Variants in GOLGA6L25 observed in about 807,000 individuals in gnomAD.
The protein encoded by GOLGA6L25 is golgin subfamily A member 6-like protein 25.
the GOLGA6L25 span, among the ~76,000 whole-genome samples, chr15:28,559,322 C>A: frequency 9.7e-6 from 1 of 103,546 alleles, no homozygotes; most frequent in Non-Finnish European, 1.8e-5. Flanking sequence ...CGGCTCACTG[C>A]AAGCTCCACC....
chr15:28,559,311 T>A, the GOLGA6L25 span, among the ~76,000 whole-genome samples: 2 of 111,520 alleles, frequency 1.8e-5, no homozygotes, highest in South Asian at 6.3e-4. Flanking sequence ...TGGCGCAATC[T>A]CGGCTCACTG....
the GOLGA6L25 span, among the ~76,000 whole-genome samples, chr15:28,554,299 TCCA>T: frequency 1.3e-5 from 1 of 78,270 alleles, no homozygotes; most frequent in Non-Finnish European, 2.1e-5. Flanking sequence ...CCCCAACCAC[TCCA>T]CCGAGGAGTA....
At chr15:28,558,615 ACT>A in the GOLGA6L25 span, 1 of 593,108 alleles carries the variant, frequency 1.7e-6, no homozygotes, top group African/African-American at 3.1e-5. Context: ...GCACACGGAA[ACT>A]CTAGTGCTGG....
the GOLGA6L25 span, chr15:28,560,084 AAAAAGATGTGGAGGCAGGAGG>A: frequency 3.5e-5 from 1 of 28,794 alleles, no homozygotes. Context: ...GGAGCAGGAG[AAAAAGATGTGGAGGCAGGAGG>A]AGAAGATTCA....
the GOLGA6L25 span, among the ~76,000 whole-genome samples, chr15:28,559,452 C>G: frequency 1.2e-5 from 1 of 84,318 alleles, no homozygotes; most frequent in Non-Finnish European, 2.2e-5. Context: ...ACTGTGTTAA[C>G]CAGGATGGTC....
chr15:28,556,341 C>T, the GOLGA6L25 span, among the ~76,000 whole-genome samples: 2 of 145,832 alleles, frequency 1.4e-5, no homozygotes, highest in South Asian at 2.1e-4. Flanking sequence ...CCCACAGAAA[C>T]AATAGAACCG....
chr15:28,559,229 T>C, the GOLGA6L25 span, among the ~76,000 whole-genome samples: 1 of 130,196 alleles, frequency 7.7e-6, no homozygotes, highest in South Asian at 2.4e-4. Context: ...TACATTTATT[T>C]ATTTATTTAT....
At chr15:28,559,229 T>TATTC in the GOLGA6L25 span, among the ~76,000 whole-genome samples, 11 of 130,252 alleles carry the variant, frequency 8.4e-5, no homozygotes, top group African/African-American at 3.4e-4. Context: ...TACATTTATT[T>TATTC]ATTTATTTAT....
At chr15:28,559,235 T>TTTAA in the GOLGA6L25 span, among the ~76,000 whole-genome samples, 3 of 130,166 alleles carry the variant, frequency 2.3e-5, no homozygotes, top group Non-Finnish European at 4.7e-5. Context: ...TATTTATTTA[T>TTTAA]TTATTTATTT....
At chr15:28,557,735 AT>A in the GOLGA6L25 span, among the ~76,000 whole-genome samples, 27 of 61,124 alleles carry the variant, frequency 4.4e-4, 11 homozygotes, top group Admixed American at 3.4e-3. Context: ...CATCTACACA[AT>A]AGAGGTAATA....
the GOLGA6L25 span, among the ~76,000 whole-genome samples, chr15:28,559,337 G>A: frequency 3.5e-5 from 3 of 86,920 alleles, no homozygotes; most frequent in East Asian, 9.5e-4. Flanking sequence ...TCCACCCCCC[G>A]GCTTCACGCC....
the GOLGA6L25 span, among the ~76,000 whole-genome samples, chr15:28,559,344 C>T: frequency 2.3e-4 from 18 of 79,662 alleles, no homozygotes; most frequent in East Asian, 1.1e-3. Context: ...CCCGGCTTCA[C>T]GCCATTCTCC....
chr15:28,554,242 CT>C, the GOLGA6L25 span, among the ~76,000 whole-genome samples: 1 of 83,278 alleles, frequency 1.2e-5, no homozygotes, highest in Non-Finnish European at 2.0e-5. Context: ...TTGTGACCCC[CT>C]CCCCAGTCTC....
chr15:28,559,958 CAGGAAGAGAAGAGGCAGG>C, the GOLGA6L25 span: 1 of 12,290 alleles, frequency 8.1e-5, no homozygotes, highest in Admixed American at 5.4e-4. Flanking sequence ...GATACGGGAG[CAGGAAGAGAAGAGGCAGG>C]AGGAGGAGAA....
the GOLGA6L25 span, among the ~76,000 whole-genome samples, chr15:28,558,248 A>G: frequency 1.3e-5 from 1 of 76,074 alleles, no homozygotes; most frequent in Non-Finnish European, 2.5e-5. Flanking sequence ...CTGCCAAAAA[A>G]AAAAAAAGAA....
At chr15:28,559,456 G>A in the GOLGA6L25 span, among the ~76,000 whole-genome samples, 1 of 84,080 alleles carries the variant, frequency 1.2e-5, no homozygotes, top group Non-Finnish European at 2.2e-5. Flanking sequence ...TGTTAACCAG[G>A]ATGGTCTCGA....
At chr15:28,556,115 G>T in the GOLGA6L25 span, among the ~76,000 whole-genome samples, 1 of 132,334 alleles carries the variant, frequency 7.6e-6, no homozygotes, top group Non-Finnish European at 1.5e-5. Flanking sequence ...CTTTTCAAGA[G>T]AATCTAGTTT....
chr15:28,553,606 T>C, the GOLGA6L25 span: 2 of 554,396 alleles, frequency 3.6e-6, no homozygotes, highest in Non-Finnish European at 6.2e-6. Context: ...AGGTATATAC[T>C]TGTCCTCACC....
At chr15:28,559,246 A>ATTTC in the GOLGA6L25 span, among the ~76,000 whole-genome samples, 1,516 of 128,904 alleles carry the variant, frequency 0.012, 10 homozygotes, top group African/African-American at 0.046. Flanking sequence ...TTATTTATTT[A>ATTTC]TTTATTTATT....
Sources: allele counts gnomAD v4.1 joint callset (sites outside exome capture counted in the v4.1 genomes callset), GRCh38; gene constraint gnomAD v4.1.1; transcripts MANE v1.5; gene names NCBI Gene and HGNC (gene_info 2026-07-23, HGNC 2026-07-21).